POC5: variants seen among roughly 807,000 people sequenced by gnomAD.
The protein encoded by POC5 is centrosomal protein POC5.
In POC5, 48 loss-of-function variants were observed where a neutral mutation model predicts 62.9. The observed-to-expected ratio is 0.76, with a 90% CI of 0.61 to 0.97. The LOEUF (loss-of-function observed/expected upper bound fraction) is 0.97. Among genes scored for constraint, POC5 ranks in the 50% least tolerant of loss-of-function variants. The pLI, the probability that POC5 is intolerant of heterozygous loss-of-function variation, is 0.00. For missense variants in POC5, 696 were observed against 679.5 expected, an observed-to-expected ratio of 1.02 and a Z score of -0.27; for synonymous variants, 236 against 228.2, an observed-to-expected ratio of 1.03 and a Z score of -0.31.
At chr5:75,676,610 A>G (rs1003906590) in intron 11 of POC5, among the ~76,000 whole-genome samples, 17 of 152,182 alleles carry the variant, frequency 1.1e-4, no homozygotes, top group Admixed American at 2.6e-4. Context: ...GAAAGTACAC[A>G]GGAACGTTGT....
rs1158496523 is a variant in POC5 at position 75,679,535 on chromosome 5, C to A, written c.1408-1585G>T. Among the ~76,000 whole-genome samples, 5 of 152,154 alleles carry A rather than the reference C, an allele frequency of 3.3e-5. No individual in the cohort carries two copies. In the East Asian group the frequency reaches 9.7e-4, roughly 29 times the overall value. On this transcript the variant is annotated intron_variant, in intron 10 of 11. Coordinates refer to ENST00000428202, the MANE Select transcript of POC5 (RefSeq NM_001099271.2). ...TGTTTTTGGAAGACCCTATGGAAAA[C>A]AGCATTCAGTGGGGTTTTGTAATCC...
rs1357653894 is a variant in POC5 at position 75,694,729 on chromosome 5, G to A, written c.616C>T (p.Gln206Ter). Reference protein sequence around the residue: ...EKEKHAAHLKQLCNQINELKE... With the variant: ...EKEKHAAHLK ...AATTCATTGATCTGATTACACAGTT[G>A]TTTTAAATGTGCTGCATGTTTTTCT... The change falls in exon 6 of 12, where the codon CAA (glutamine) becomes TAA (stop). Residue 206 changes from glutamine to a stop codon, truncating the protein, a stop_gained. Transcript: ENST00000428202. LOFTEE classifies it high-confidence loss of function. 1.2e-6 allele frequency: 2 copies of A among 1,604,174 alleles called. No individual in the cohort carries two copies. Among genetic ancestry groups the A allele is most frequent in the Non-Finnish European group, 8.5e-7 (1 of 1,173,262 alleles).
At chr5:75,677,667 A>T (rs1475750119) in intron 11 of POC5, 107 bp downstream of exon 11, 2 of 796,790 alleles carry the variant, frequency 2.5e-6, no homozygotes, top group East Asian at 3.2e-5. Flanking sequence ...AACAAGTACC[A>T]GTCATCATAA....
intron 1 of POC5, 74 bp from the exon 2 acceptor site, chr5:75,713,025 T>C: frequency 9.6e-7 from 1 of 1,036,386 alleles, no homozygotes; most frequent in Non-Finnish European, 1.4e-6. Context: ...TATATATAAG[T>C]GCAACAGTAT....
intron 10 of POC5, among the ~76,000 whole-genome samples, chr5:75,678,158 G>A (rs183136318): frequency 6.6e-6 from 1 of 151,668 alleles, no homozygotes. Context: ...GTATGCCAAC[G>A]ATTTTATAAG....
At chr5:75,716,894 A>G (rs1381688256) in intron 1 of POC5, among the ~76,000 whole-genome samples, 1 of 152,212 alleles carries the variant, frequency 6.6e-6, no homozygotes. Flanking sequence ...ACTCAAGGAA[A>G]GGGGCGCGCC....
chr5:75,688,904 T>C, intron 9 of POC5, 108 bp downstream of exon 9: 3 of 1,103,720 alleles, frequency 2.7e-6, no homozygotes, highest in Non-Finnish European at 3.6e-6. Flanking sequence ...AGCACCTGGA[T>C]GAAACATACC....
At chr5:75,706,576 T>C (rs1405580165) in intron 3 of POC5, among the ~76,000 whole-genome samples, 1 of 152,130 alleles carries the variant, frequency 6.6e-6, no homozygotes, top group East Asian at 1.9e-4. Flanking sequence ...TTTCTTTTTT[T>C]TTTTTTAAAC....
intron 4 of POC5, among the ~76,000 whole-genome samples, chr5:75,704,379 T>C (rs910276982): frequency 6.6e-6 from 1 of 152,202 alleles, no homozygotes; most frequent in East Asian, 1.9e-4. Flanking sequence ...ATTTGTAAGA[T>C]TTTAGTTTTT....
chr5:75,702,632 C>T lies in POC5; in HGVS notation c.486G>A (p.Val162=), dbSNP rs765825646. 4.3e-6 allele frequency: 7 copies of T among 1,613,328 alleles called. No homozygotes were observed. Among genetic ancestry groups the T allele is most frequent in the Non-Finnish European group, 5.9e-6 (7 of 1,179,664 alleles). The part of the protein sequence containing the change: ...SDENLQKMEN[V]LDLWSSGLKT... ...TAAGACCTGAACTCCAAAGATCAAG[C>T]ACATTTTCCATCTTCTGAAGGTTTT... Residue 162 remains valine, a synonymous_variant, in exon 5 of 12, where the codon GTG becomes GTA. Coordinates refer to ENST00000428202, the MANE Select transcript of POC5 (RefSeq NM_001099271.2).
At chr5:75,699,975 C>T (rs1409341419) in intron 5 of POC5, among the ~76,000 whole-genome samples, 2 of 151,910 alleles carry the variant, frequency 1.3e-5, no homozygotes, top group African/African-American at 4.8e-5. Flanking sequence ...ATAATTGCTT[C>T]AAAGAGAATA....
At chr5:75,689,549 T>C in intron 8 of POC5, 7 of 971,528 alleles carry the variant, frequency 7.2e-6, no homozygotes, top group Non-Finnish European at 8.6e-6. Flanking sequence ...ACTACATGCC[T>C]GCAATATTAA....
intron 6 of POC5, among the ~76,000 whole-genome samples, chr5:75,692,836 T>A (rs1776399140): frequency 1.3e-5 from 2 of 152,068 alleles, no homozygotes; most frequent in South Asian, 4.1e-4. Context: ...ATACACCATG[T>A]CTTTATTCAC....
chr5:75,706,810 G>C (rs112945065), intron 3 of POC5, among the ~76,000 whole-genome samples: 33,495 of 152,000 alleles, frequency 0.22, 3,806 homozygotes, highest in African/African-American at 0.27. Flanking sequence ...CTCAGCCTCT[G>C]AAAGTACTGG....
At chr5:75,676,094 G>T (rs771208098) in intron 11 of POC5, among the ~76,000 whole-genome samples, 1 of 152,140 alleles carries the variant, frequency 6.6e-6, no homozygotes, top group South Asian at 2.1e-4. Context: ...AGAAACAAGG[G>T]TTCTAAATGT....
rs1160691745 is a variant in POC5 at position 75,689,095 on chromosome 5, T to A, written c.1046A>T (p.Asp349Val). ...CCTCATGAAAGCTTTTTTCATGGAA[T>A]CTTCAAAGTGCTCTTTTTCATGTTG... ...RMQHEKEHFE[D>V]SMKKAFMRGV... Residue 349 changes from aspartate (D) to valine (V), a missense_variant, in exon 9 of 12, where the codon GAT becomes GTT. Physicochemically the swap from Asp to Val is radical, Grantham distance 152. Coordinates refer to ENST00000428202, the MANE Select transcript of POC5 (RefSeq NM_001099271.2). The A allele has an allele frequency of 1.9e-6, 3 of 1,599,460 alleles. No individual in the cohort carries two copies. The African/African-American group carries it at 4.0e-5, about 21-fold the overall frequency.
chr5:75,679,000 T>G (rs901921602), intron 10 of POC5, among the ~76,000 whole-genome samples: 1 of 152,188 alleles, frequency 6.6e-6, no homozygotes, highest in African/African-American at 2.4e-5. Flanking sequence ...TGTCAACTAT[T>G]CATCTTATTT....
At chr5:75,694,555 A>AACCT (rs1206996338) in intron 6 of POC5, 100 bp downstream of exon 6, 2 of 974,356 alleles carry the variant, frequency 2.1e-6, no homozygotes, top group Non-Finnish European at 2.9e-6. Context: ...TTTCTGATAG[A>AACCT]ACCTGTATCT....
chr5:75,698,882 G>C (rs1396698112), intron 5 of POC5, among the ~76,000 whole-genome samples: 1 of 151,904 alleles, frequency 6.6e-6, no homozygotes. Flanking sequence ...ATGATAAAGG[G>C]GATATCACCA....
Sources: gnomAD v4.1 joint callset for allele counts (sites outside exome capture counted in the v4.1 genomes callset) on GRCh38, gnomAD v4.1.1 for gene constraint, MANE v1.5 for transcripts, NCBI Gene and HGNC (gene_info 2026-07-23, HGNC 2026-07-21) for gene names.